PCDHGA7: variants seen among roughly 807,000 people sequenced by gnomAD.
PCDHGA7 encodes the protein protocadherin gamma subfamily A, 7.
In PCDHGA7, 44 loss-of-function variants were observed where a neutral mutation model predicts 58.3. The ratio of observed to expected loss-of-function variants is 0.75; its 90% CI spans 0.59 to 0.97. The LOEUF (loss-of-function observed/expected upper bound fraction) is 0.97. PCDHGA7 is among the 50% of genes least tolerant of loss of function. PCDHGA7 has a pLI of 0.00. For synonymous variants in PCDHGA7, 516 were observed against 504.2 expected, an observed-to-expected ratio of 1.02 and a Z score of -0.31; for missense variants, 1,266 against 1,188.7, an observed-to-expected ratio of 1.06 and a Z score of -0.96.
At chr5:141,410,561 G>A (rs201832666) in intron 1 of PCDHGA7, 1 of 1,612,698 alleles carries the variant, frequency 6.2e-7, no homozygotes, top group Non-Finnish European at 8.5e-7. Flanking sequence ...TTCTCCTGGA[G>A]CCTTAATTCC....
intron 1 of PCDHGA7, chr5:141,413,863 G>A (rs1367797365): frequency 1.9e-6 from 3 of 1,613,356 alleles, no homozygotes; most frequent in Admixed American, 1.7e-5. Flanking sequence ...ATCTGGCACT[G>A]TCCTTGTCAG....
chr5:141,485,185 G>C lies in PCDHGA7; in HGVS notation c.2425-9622G>C. On this transcript the variant is annotated intron_variant, in intron 1 of 3. Transcript: ENST00000518325. This position sits in a 1 kb window ranked among gnomAD's most constrained non-coding sequence, Gnocchi z 5.7. ...AGCGGGCGGCAGCAATGCTCCGCAA[G>C]GTGAGAAGCTGGACAGAAATCTGGC... 6.2e-7 allele frequency: 1 copy of C among 1,613,528 alleles called. No homozygotes were observed. Among genetic ancestry groups the C allele is most frequent in the Non-Finnish European group, 8.5e-7 (1 of 1,179,492 alleles).
chr5:141,386,487 A>G (rs1374608231), intron 1 of PCDHGA7, among the ~76,000 whole-genome samples: 1 of 149,584 alleles, frequency 6.7e-6, no homozygotes, highest in African/African-American at 2.5e-5. Context: ...GCCCACCTAG[A>G]TAATATAACA....
chr5:141,506,380 TG>T (rs2099852860), intron 3 of PCDHGA7, among the ~76,000 whole-genome samples: 1 of 141,314 alleles, frequency 7.1e-6, no homozygotes, highest in Non-Finnish European at 1.5e-5. Flanking sequence ...ACCTGGGAGG[TG>T]GCTGTGGTGA....
At chr5:141,422,611 A>C in intron 1 of PCDHGA7, 3 of 1,613,762 alleles carry the variant, frequency 1.9e-6, no homozygotes, top group Non-Finnish European at 2.5e-6. Flanking sequence ...CTCTGCCTAC[A>C]TTCCCGAAAA....
intron 1 of PCDHGA7, chr5:141,441,662 C>T: frequency 3.8e-6 from 1 of 260,740 alleles, no homozygotes; most frequent in Non-Finnish European, 7.7e-6. Flanking sequence ...TGTCCTTGAG[C>T]GCACAGTGCG....
In PCDHGA7 at chr5:141,385,052, G is replaced by T. The variant is rs559398944; in HGVS notation, c.2153G>T (p.Arg718Leu). 2 of 1,614,152 alleles carry T rather than the reference G, an allele frequency of 1.2e-6. No homozygotes were observed. Among genetic ancestry groups the T allele is most frequent in the South Asian group, 2.2e-5 (2 of 91,088 alleles). ...GTACTGCTGGCGCTCAGGCTGCGGC[G>T]CTGGCACAAGTCACGCCTGCTGCAG... ...VLVLLALRLR[R>L]WHKSRLLQAS... Residue 718 changes from arginine to leucine, a missense_variant, in exon 1 of 4, where the codon CGC becomes CTC. Transcript: ENST00000518325.
chr5:141,419,443 C>T (rs1476796525), intron 1 of PCDHGA7: 2 of 1,613,080 alleles, frequency 1.2e-6, no homozygotes, highest in South Asian at 2.2e-5. Flanking sequence ...TGCGCACCTT[C>T]GAGCTCACGC....
intron 1 of PCDHGA7, among the ~76,000 whole-genome samples, chr5:141,438,263 A>G (rs2097944986): frequency 6.6e-6 from 1 of 152,144 alleles, no homozygotes; most frequent in South Asian, 2.1e-4. Flanking sequence ...AAGAGACCAT[A>G]GAATCAAACA....
intron 1 of PCDHGA7, chr5:141,415,994 C>G: frequency 6.6e-6 from 2 of 303,006 alleles, no homozygotes; most frequent in East Asian, 6.9e-5. Context: ...GTTCTGAAGG[C>G]AGGTCTGGTA....
rs999687684 is a variant in PCDHGA7 at position 141,431,598 on chromosome 5, C to G, written c.2424+46275C>G. 1 of 1,614,074 alleles carries G rather than the reference C, an allele frequency of 6.2e-7. No individual in the cohort carries two copies. The highest frequency in any genetic ancestry group is 1.3e-5 in the African/African-American group (1 of 74,938). On this transcript the variant is annotated intron_variant, in intron 1 of 3. Transcript: ENST00000518325. This position sits in a 1 kb window ranked among gnomAD's most constrained non-coding sequence, Gnocchi z 4.8. ...GGAGTCAATGCGGAAGTGAGGTATT[C>G]CTTCCGGTATGTGGACGACAAGGCG...
rs953397576 is a variant in PCDHGA7, at chr5:141,410,111, G to A, written c.2424+24788G>A. 6 of 1,612,264 alleles carry A rather than the reference G, an allele frequency of 3.7e-6. No homozygotes were observed. In the African/African-American group the frequency reaches 6.7e-5, roughly 18 times the overall value. On this transcript the variant is annotated intron_variant, in intron 1 of 3. Transcript: ENST00000518325. ...GGCTCGAGCCTTAGGCGACAGGGACGCAGCCCGCCAGCGCCTGCTGGTCGC... is the reference window on the plus strand; with the variant it reads ...GGCTCGAGCCTTAGGCGACAGGGACACAGCCCGCCAGCGCCTGCTGGTCGC...
intron 1 of PCDHGA7, among the ~76,000 whole-genome samples, chr5:141,474,142 T>G (rs2099344082): frequency 6.6e-6 from 1 of 152,212 alleles, no homozygotes; most frequent in African/African-American, 2.4e-5. Flanking sequence ...ACAGGCCTTA[T>G]TATCAAGAAA....
At chr5:141,437,983 A>C (rs544812394) in intron 1 of PCDHGA7, among the ~76,000 whole-genome samples, 1 of 152,056 alleles carries the variant, frequency 6.6e-6, no homozygotes, top group Admixed American at 6.5e-5. Context: ...GGATGCACCC[A>C]CCCCACCTCA....
At chr5:141,399,825 C>G (rs1439243162) in intron 1 of PCDHGA7, 14 of 1,613,060 alleles carry the variant, frequency 8.7e-6, no homozygotes, top group Non-Finnish European at 1.2e-5. Context: ...TGGGTCCCGA[C>G]GGCTCTGCGC....
chr5:141,466,754 C>G (rs1045917268), intron 1 of PCDHGA7, among the ~76,000 whole-genome samples: 2 of 152,138 alleles, frequency 1.3e-5, no homozygotes, highest in South Asian at 2.1e-4. Context: ...GATAGGGGCT[C>G]TTTTCAAACT....
At position 141,404,471 on chromosome 5, in the gene PCDHGA7, A is replaced by G. The variant is rs200620626; in HGVS notation, c.2424+19148A>G. ...GTCTCCTCTCTCCACCTATGTCTCT[A>G]TTAACTCAGACACTGGTGTGCTGTA... On this transcript the variant is annotated intron_variant, in intron 1 of 3. Coordinates refer to ENST00000518325, the MANE Select transcript of PCDHGA7 (RefSeq NM_018920.4). 307 of 1,613,160 alleles carry G rather than the reference A, an allele frequency of 1.9e-4. No homozygotes were observed. Among genetic ancestry groups the G allele is most frequent in the Non-Finnish European group, 2.5e-4 (293 of 1,179,322 alleles).
intron 1 of PCDHGA7, among the ~76,000 whole-genome samples, chr5:141,386,507 C>G (rs972515111): frequency 2.0e-5 from 1 of 50,524 alleles, no homozygotes. Context: ...AAGACTCTGT[C>G]TCTTCAAAAA....
rs771408685 is a variant in PCDHGA7, at chr5:141,486,166, G to T, written c.2425-8641G>T. ...GCGATGGGGGTTCTCCAGCCATGGA[G>T]CAACATTGCAGCCTTCGAGTGGATC... is the stretch of plus-strand genomic sequence containing the variant. On this transcript the variant is annotated intron_variant, in intron 1 of 3. Transcript: ENST00000518325. The surrounding 1 kb of genome is among the most constrained non-coding windows in gnomAD (Gnocchi z 5.0). 1.9e-6 allele frequency: 3 copies of T among 1,614,106 alleles called. No homozygotes were observed. Among genetic ancestry groups the T allele is most frequent in the Non-Finnish European group, 2.5e-6 (3 of 1,180,048 alleles).
Sources: gnomAD v4.1 joint callset for allele counts (sites outside exome capture counted in the v4.1 genomes callset) on GRCh38, gnomAD v4.1.1 for gene constraint, Gnocchi (gnomAD v3.1) non-coding constraint, MANE v1.5 for transcripts, NCBI Gene and HGNC (gene_info 2026-07-23, HGNC 2026-07-21) for gene names.